The following RGS5 variants were observed in gnomAD, a reference collection of about 807,000 sequenced individuals.
RGS5 encodes regulator of G-protein signalling 5.
A neutral mutation model predicts 18.9 loss-of-function variants in RGS5; 20 were observed. The ratio of observed to expected loss-of-function variants is 1.06; its 90% CI spans 0.74 to 1.54. The LOEUF (loss-of-function observed/expected upper bound fraction) is 1.54, where lower values mean the gene tolerates loss of function less well. Among genes scored for constraint, RGS5 ranks in the 40% most tolerant of loss-of-function variants. The pLI is 0.00. For missense variants in RGS5, 201 were observed against 211.8 expected (o/e 0.95, Z 0.32); for synonymous variants, 57 against 76.2 (o/e 0.75, Z 1.31).
At chr1:163,284,544 T>C (rs1649094722) in intron 2 of RGS5, among the ~76,000 whole-genome samples, 1 of 152,206 alleles carries the variant, frequency 6.6e-6, no homozygotes, top group South Asian at 2.1e-4. Context: ...TCTTAAGTCT[T>C]GGTTTCTTTC....
chr1:163,185,057 C>A (rs559483984), intron 1 of RGS5, among the ~76,000 whole-genome samples: 1 of 152,266 alleles, frequency 6.6e-6, no homozygotes, highest in Admixed American at 6.5e-5. Flanking sequence ...AATAGATAAT[C>A]CTAATTCTTT....
chr1:163,158,146 T>G (rs1466393837), intron 3 of RGS5, among the ~76,000 whole-genome samples: 1 of 152,190 alleles, frequency 6.6e-6, no homozygotes, highest in Non-Finnish European at 1.5e-5. Context: ...TGGCTTACAG[T>G]TATTCATGGT....
intron 1 of RGS5, among the ~76,000 whole-genome samples, chr1:163,315,960 C>T (rs1350655700): frequency 2.6e-5 from 4 of 152,080 alleles, no homozygotes; most frequent in Admixed American, 6.5e-5. Context: ...GTAAGGTTAA[C>T]ACTAATGCAA....
At chr1:163,281,631 T>G (rs1648993774) in intron 2 of RGS5, among the ~76,000 whole-genome samples, 1 of 152,134 alleles carries the variant, frequency 6.6e-6, no homozygotes, top group South Asian at 2.1e-4. Context: ...GGGGATCATG[T>G]TTCAACATGA....
intron 2 of RGS5, among the ~76,000 whole-genome samples, chr1:163,280,115 T>G (rs1030132886): frequency 1.3e-5 from 2 of 152,076 alleles, no homozygotes; most frequent in African/African-American, 4.8e-5. Flanking sequence ...TCTCAAATTA[T>G]TCCCAAAAAT....
In RGS5 at chr1:163,147,205, G is replaced by T; in HGVS notation, c.*137C>A. 1 of 879,104 alleles carries T rather than the reference G, an allele frequency of 1.1e-6. No homozygotes were observed. Among genetic ancestry groups the T allele is most frequent in the Non-Finnish European group, 1.6e-6 (1 of 612,244 alleles). The allele number at this position is 879,104 out of a possible 1,614,324, so 54.5% of individuals were successfully genotyped here. On this transcript the variant is annotated 3_prime_UTR_variant, in exon 5 of 5. Transcript: ENST00000313961. ...AAAGCAGTGTGGGCAAAAAGAGTAA[G>T]CAACATCCCCTGGGATTTTTCCCAT... is the stretch of plus-strand genomic sequence containing the variant.
intron 1 of RGS5, among the ~76,000 whole-genome samples, chr1:163,213,287 G>A (rs1253363227): frequency 6.6e-6 from 1 of 152,104 alleles, no homozygotes; most frequent in African/African-American, 2.4e-5. Flanking sequence ...CAGGTTTAAA[G>A]GAAAAATTAA....
chr1:163,277,743 T>A (rs1648892755), intron 2 of RGS5, among the ~76,000 whole-genome samples: 1 of 152,000 alleles, frequency 6.6e-6, no homozygotes, highest in African/African-American at 2.4e-5. Flanking sequence ...GGGTCCAACA[T>A]GAGAGGAACA....
chr1:163,192,425 G>C (rs930398619), intron 1 of RGS5, among the ~76,000 whole-genome samples: 1 of 152,174 alleles, frequency 6.6e-6, no homozygotes, highest in Non-Finnish European at 1.5e-5. Context: ...TGTGAGGAGA[G>C]AGAAAAAGTT....
chr1:163,171,570 A>G (rs909118130), intron 1 of RGS5, among the ~76,000 whole-genome samples: 1 of 152,062 alleles, frequency 6.6e-6, no homozygotes, highest in African/African-American at 2.4e-5. Context: ...TCTCAAATTT[A>G]GTTCCTTTTT....
intron 2 of RGS5, among the ~76,000 whole-genome samples, chr1:163,236,244 C>T (rs1163996908): frequency 2.0e-5 from 3 of 151,976 alleles, no homozygotes. Context: ...CATTGACACT[C>T]TCAACCTTCT....
chr1:163,203,657 G>A (rs554870379), upstream of RGS5, among the ~76,000 whole-genome samples: 30 of 152,252 alleles, frequency 2.0e-4, 1 homozygote, highest in South Asian at 4.8e-3. Flanking sequence ...TCTTAGTAGG[G>A]ATTGAGTATA....
chr1:163,174,199 T>C (rs980113055), intron 1 of RGS5, among the ~76,000 whole-genome samples: 4 of 152,246 alleles, frequency 2.6e-5, no homozygotes, highest in African/African-American at 9.6e-5. Flanking sequence ...CAGAGCCCTC[T>C]GAATTTTCCA....
At chr1:163,161,841 G>T in intron 3 of RGS5, 74 bp downstream of exon 3, 1 of 1,118,754 alleles carries the variant, frequency 8.9e-7, no homozygotes, top group Non-Finnish European at 1.3e-6. Context: ...GAAGAACACA[G>T]GTAATACAAA....
rs369996455 is a variant in RGS5 at position 163,156,620 on chromosome 1, T to C, written c.218-3904A>G. On this transcript the variant is annotated intron_variant, in intron 3 of 4. Coordinates refer to ENST00000313961, the MANE Select transcript of RGS5 (RefSeq NM_003617.4). ...TTTGCATCCCACCTCCCAGTCTAAA[T>C]CTGTGCACCTAACATTTAATAGAGG... 1.3e-4 allele frequency among the ~76,000 whole-genome samples: 20 copies of C among 152,266 alleles called. No individual in the cohort carries two copies. In the South Asian group the frequency reaches 3.1e-3, roughly 24 times the overall value.
chr1:163,253,211 A>C (rs572461008), intron 2 of RGS5, among the ~76,000 whole-genome samples: 2 of 152,312 alleles, frequency 1.3e-5, no homozygotes, highest in South Asian at 4.1e-4. Flanking sequence ...CCTGTGTCCG[A>C]GTACTCTGAA....
chr1:163,278,312 C>T (rs941045305), intron 2 of RGS5, among the ~76,000 whole-genome samples: 25 of 152,126 alleles, frequency 1.6e-4, no homozygotes, highest in Non-Finnish European at 2.1e-4. Context: ...ACAGATTTCT[C>T]ACCTTACAGG....
chr1:163,231,068 G>A (rs1272782627), intron 2 of RGS5, among the ~76,000 whole-genome samples: 5 of 152,218 alleles, frequency 3.3e-5, no homozygotes, highest in Non-Finnish European at 5.9e-5. Context: ...ACAGCAGAGC[G>A]GAGGCGGAGT....
At chr1:163,308,177 A>G (rs1376111193) in intron 1 of RGS5, among the ~76,000 whole-genome samples, 1 of 152,236 alleles carries the variant, frequency 6.6e-6, no homozygotes, top group Non-Finnish European at 1.5e-5. Context: ...TAAAAAAGTT[A>G]TTCTTTGAAA....
Sources: allele counts gnomAD v4.1 joint callset (sites outside exome capture counted in the v4.1 genomes callset), GRCh38; gene constraint gnomAD v4.1.1; transcripts MANE v1.5; gene names NCBI Gene and HGNC (gene_info 2026-07-23, HGNC 2026-07-21).